The following ZCWPW2 variants were observed in gnomAD, a reference collection of about 807,000 sequenced individuals.
ZCWPW2 encodes the protein zinc finger CW-type PWWP domain protein 2.
In ZCWPW2, 45 loss-of-function variants were observed where a neutral mutation model predicts 46.6. That is an observed-to-expected ratio of 0.96 (90% CI 0.76 to 1.24). The LOEUF (loss-of-function observed/expected upper bound fraction) is 1.24, where lower values mean the gene tolerates loss of function less well. ZCWPW2 is among the 50% of genes most tolerant of loss of function. ZCWPW2 has a pLI of 0.00. For synonymous variants in ZCWPW2, 152 were observed against 137.1 expected, an observed-to-expected ratio of 1.11 and a Z score of -0.76; for missense variants, 429 against 403.9, an observed-to-expected ratio of 1.06 and a Z score of -0.53.
At chr3:28,398,646 G>T (rs934927387) in intron 2 of ZCWPW2, among the ~76,000 whole-genome samples, 2 of 152,162 alleles carry the variant, frequency 1.3e-5, no homozygotes, top group African/African-American at 4.8e-5. Flanking sequence ...AAGGGAAATT[G>T]TCTGCCCCCA....
intron 6 of ZCWPW2, among the ~76,000 whole-genome samples, chr3:28,497,156 T>C (rs1700011436): frequency 6.6e-6 from 1 of 150,904 alleles, no homozygotes; most frequent in Non-Finnish European, 1.5e-5. Flanking sequence ...TTTACTTTTT[T>C]ATCATCCATC....
intron 1 of ZCWPW2, among the ~76,000 whole-genome samples, chr3:28,383,681 G>T (rs1575072479): frequency 6.6e-6 from 1 of 152,006 alleles, no homozygotes; most frequent in East Asian, 1.9e-4. Context: ...GGGATGTTAG[G>T]TGATTAATGA....
chr3:28,360,349 CAAA>C (rs71087692), intron 1 of ZCWPW2, among the ~76,000 whole-genome samples: 918 of 53,918 alleles, frequency 0.017, 7 homozygotes, highest in African/African-American at 0.053. Flanking sequence ...ACTAAAAATA[CAAA>C]AAAAAAAAAA....
intron 4 of ZCWPW2, among the ~76,000 whole-genome samples, chr3:28,459,326 C>T (rs867650130): frequency 6.6e-6 from 1 of 151,758 alleles, no homozygotes; most frequent in Non-Finnish European, 1.5e-5. Context: ...GCCAAGATTG[C>T]GCCACTGCAC....
At chr3:28,372,622 A>T (rs1272184274) in intron 1 of ZCWPW2, among the ~76,000 whole-genome samples, 2 of 152,008 alleles carry the variant, frequency 1.3e-5, no homozygotes, top group Non-Finnish European at 2.9e-5. Context: ...CTTGTCCTTT[A>T]TTTTATTTTA....
At chr3:28,360,096 A>C (rs540535377) in intron 1 of ZCWPW2, among the ~76,000 whole-genome samples, 1 of 152,110 alleles carries the variant, frequency 6.6e-6, no homozygotes, top group Admixed American at 6.6e-5. Context: ...ATGCATGGGA[A>C]AGAGTGAAGG....
chr3:28,414,714 T>G (rs1696569088), intron 3 of ZCWPW2, among the ~76,000 whole-genome samples: 1 of 98,226 alleles, frequency 1.0e-5, no homozygotes, highest in Non-Finnish European at 2.0e-5. Context: ...GGTGTTTGGT[T>G]TTTTGTCCTT....
intron 2 of ZCWPW2, among the ~76,000 whole-genome samples, chr3:28,404,633 A>G (rs746768575): frequency 6.6e-6 from 1 of 152,216 alleles, no homozygotes; most frequent in Non-Finnish European, 1.5e-5. Flanking sequence ...TCAAATGCCC[A>G]TCAATCAATG....
chr3:28,407,300 C>A (rs531600028), intron 2 of ZCWPW2, among the ~76,000 whole-genome samples: 1 of 152,270 alleles, frequency 6.6e-6, no homozygotes, highest in Non-Finnish European at 1.5e-5. Context: ...TAACATCACA[C>A]TGTATTACAT....
chr3:28,515,730 T>TCCACAGAATGTA (rs1700546406), intron 8 of ZCWPW2, 109 bp downstream of exon 8: 3 of 795,818 alleles, frequency 3.8e-6, no homozygotes, highest in African/African-American at 3.5e-5. Context: ...TGTGTGTGTG[T>TCCACAGAATGTA]GTGTGTGTGT....
At chr3:28,502,543 G>T (rs912411244) in intron 6 of ZCWPW2, among the ~76,000 whole-genome samples, 1 of 152,132 alleles carries the variant, frequency 6.6e-6, no homozygotes, top group Non-Finnish European at 1.5e-5. Context: ...GGGTAAATGC[G>T]TGTCAAGGGT....
At chr3:28,376,588 C>G (rs1000007672) in intron 1 of ZCWPW2, among the ~76,000 whole-genome samples, 3 of 152,094 alleles carry the variant, frequency 2.0e-5, no homozygotes, top group Admixed American at 2.0e-4. Flanking sequence ...ATTCTCTATA[C>G]TGTCTGCTCA....
chr3:28,412,339 TAATA>T (rs1211430627), intron 2 of ZCWPW2, among the ~76,000 whole-genome samples: 1 of 151,988 alleles, frequency 6.6e-6, no homozygotes, highest in African/African-American at 2.4e-5. Flanking sequence ...ATTTAATTAA[TAATA>T]AATAAAAGCT....
intron 1 of ZCWPW2, among the ~76,000 whole-genome samples, chr3:28,360,553 A>C (rs1412282345): frequency 6.6e-6 from 1 of 151,680 alleles, no homozygotes; most frequent in African/African-American, 2.4e-5. Flanking sequence ...GTTTGTATGC[A>C]TCTAAAGAAA....
chr3:28,396,940 C>T (rs1559487475), intron 2 of ZCWPW2, among the ~76,000 whole-genome samples: 2 of 152,068 alleles, frequency 1.3e-5, no homozygotes. Context: ...ACCAGCCTGG[C>T]CAACATGGCA....
intron 2 of ZCWPW2, among the ~76,000 whole-genome samples, chr3:28,397,833 A>G (rs1313832350): frequency 6.6e-6 from 1 of 152,220 alleles, no homozygotes; most frequent in Admixed American, 6.5e-5. Context: ...TAAGTTGCTT[A>G]GAACTATTTA....
chr3:28,463,782 A>G (rs1018970921), intron 4 of ZCWPW2, among the ~76,000 whole-genome samples: 2 of 152,026 alleles, frequency 1.3e-5, no homozygotes, highest in Non-Finnish European at 2.9e-5. Context: ...TCAAGGGTCC[A>G]GTGAGCTATG....
chr3:28,524,679 T>A lies in ZCWPW2; in HGVS notation c.1062T>A (p.Ser354=). 6.5e-7 allele frequency: 1 copy of A among 1,541,026 alleles called. No individual in the cohort carries two copies. Among genetic ancestry groups the A allele is most frequent in the Non-Finnish European group, 8.8e-7 (1 of 1,141,516 alleles). ...NKFKEIDALM[S]EF is the part of the protein sequence containing the mutation. ...TTAAAGAAATAGATGCTTTGATGTC[T>A]GAGTTTTAGAACATTATACATTTTT... The change falls in exon 10 of 10, where the codon TCT becomes TCA. Residue 354 remains serine (S), a synonymous_variant. Coordinates refer to ENST00000383768, the MANE Select transcript of ZCWPW2 (RefSeq NM_001040432.4).
At chr3:28,398,668 C>A (rs1234311537) in intron 2 of ZCWPW2, among the ~76,000 whole-genome samples, 2 of 152,128 alleles carry the variant, frequency 1.3e-5, no homozygotes, top group East Asian at 1.9e-4. Context: ...ATACACACCC[C>A]CATGGAGGAA....
Sources: allele counts gnomAD v4.1 joint callset (sites outside exome capture counted in the v4.1 genomes callset), GRCh38; gene constraint gnomAD v4.1.1; transcripts MANE v1.5; gene names NCBI Gene and HGNC (gene_info 2026-07-23, HGNC 2026-07-21).